SHROOM3: variants seen among roughly 807,000 people sequenced by gnomAD.
SHROOM3 encodes shroom family member 3, also known as protein Shroom3.
SHROOM3 carries 47 observed loss-of-function variants against 138.6 expected under a neutral mutation model. The observed-to-expected ratio is 0.34, with a 90% CI of 0.27 to 0.43. SHROOM3 has a LOEUF of 0.43. Among genes scored for constraint, SHROOM3 ranks in the 20% least tolerant of loss-of-function variants. SHROOM3 has a pLI of 1.00. For synonymous variants in SHROOM3, 1,062 were observed against 1,063.3 expected, an observed-to-expected ratio of 1.00 and a Z score of 0.02; for missense variants, 2,491 against 2,596.5, an observed-to-expected ratio of 0.96 and a Z score of 0.88.
intron 2 of SHROOM3, among the ~76,000 whole-genome samples, chr4:76,624,709 C>T (rs1735090154): frequency 6.6e-6 from 1 of 152,174 alleles, no homozygotes; most frequent in African/African-American, 2.4e-5. Flanking sequence ...TGAAATGAAT[C>T]AATGTGTTAA....
intron 1 of SHROOM3, among the ~76,000 whole-genome samples, chr4:76,513,869 A>G (rs1031265366): frequency 1.3e-5 from 2 of 152,178 alleles, no homozygotes; most frequent in African/African-American, 4.8e-5. Context: ...TTAAAAAATG[A>G]CATACGTTTT....
rs576539950 is a variant in SHROOM3, at chr4:76,730,718, C to T, written c.456-86C>T. 334 of 1,583,452 alleles carry T rather than the reference C, an allele frequency of 2.1e-4. 3 individuals are homozygous for T. In the South Asian group the frequency reaches 3.5e-3, roughly 17 times the overall value. ...CAATCTCTGAGGACACAGCAGTCTTCGCTTCCAAATCCACAAGTCACATCA... is the reference window on the plus strand; with the variant it reads ...CAATCTCTGAGGACACAGCAGTCTTTGCTTCCAAATCCACAAGTCACATCA... On this transcript the variant is annotated intron_variant, in intron 3 of 10. Coordinates refer to ENST00000296043, the MANE Select transcript of SHROOM3 (RefSeq NM_020859.4).
At chr4:76,688,974 T>G in intron 2 of SHROOM3, 1 of 973,474 alleles carries the variant, frequency 1.0e-6, no homozygotes, top group African/African-American at 1.8e-5. Flanking sequence ...TTTTTTTTTT[T>G]TTTTAGCTGT....
chr4:76,747,751 C>A (rs894901644), intron 5 of SHROOM3, among the ~76,000 whole-genome samples: 4 of 152,040 alleles, frequency 2.6e-5, no homozygotes, highest in African/African-American at 9.7e-5. Flanking sequence ...ATTCTCATTC[C>A]CTACAGTGAT....
At chr4:76,680,843 C>T (rs1241332831) in intron 2 of SHROOM3, among the ~76,000 whole-genome samples, 1 of 152,214 alleles carries the variant, frequency 6.6e-6, no homozygotes, top group Admixed American at 6.5e-5. Flanking sequence ...ACCATTAATT[C>T]CATGATGCAA....
chr4:76,689,823 C>T (rs903170473), intron 2 of SHROOM3: 1 of 900,228 alleles, frequency 1.1e-6, no homozygotes, highest in African/African-American at 1.8e-5. Context: ...GGATGGCTCC[C>T]AGGGGCTTTC....
rs1158074128 is a variant in SHROOM3 at position 76,739,204 on chromosome 4, A to T, written c.1031A>T (p.Tyr344Phe). 1.9e-6 allele frequency: 3 copies of T among 1,614,050 alleles called. No individual in the cohort carries two copies. The Admixed American group carries it at 5.0e-5, about 27-fold the overall frequency. The change falls in exon 5 of 11, where the codon TAT (tyrosine) becomes TTT (phenylalanine). Residue 344 changes from tyrosine (Y) to phenylalanine (F), a missense_variant. Transcript: ENST00000296043. ...CGAGCCTCAGCAAATGGTCAGGGCT[A>T]TGATAAATGGTCTAATATTCCTCGG... Reference protein sequence around the residue: ...EARASANGQGYDKWSNIPRGK... With the variant: ...EARASANGQGFDKWSNIPRGK...
intron 2 of SHROOM3, chr4:76,688,636 G>A: frequency 1.0e-6 from 1 of 985,410 alleles, no homozygotes; most frequent in Non-Finnish European, 1.2e-6. Flanking sequence ...AACCTTTGAA[G>A]AAAGATGAAA....
At chr4:76,438,810 A>G (rs1238261554) in intron 1 of SHROOM3, among the ~76,000 whole-genome samples, 2 of 151,864 alleles carry the variant, frequency 1.3e-5, no homozygotes, top group African/African-American at 2.4e-5. Flanking sequence ...TTTGTTGAGT[A>G]TATGAAAGGG....
At chr4:76,547,243 G>C (rs1009427219) in intron 1 of SHROOM3, among the ~76,000 whole-genome samples, 1 of 152,182 alleles carries the variant, frequency 6.6e-6, no homozygotes, top group African/African-American at 2.4e-5. Context: ...GCGATTCTCA[G>C]GCAGCAGGCT....
intron 2 of SHROOM3, among the ~76,000 whole-genome samples, chr4:76,585,151 A>C (rs1251907007): frequency 6.6e-6 from 1 of 152,192 alleles, no homozygotes; most frequent in Non-Finnish European, 1.5e-5. Context: ...TGGAATGATT[A>C]CTACTGCTGG....
intron 4 of SHROOM3, among the ~76,000 whole-genome samples, chr4:76,738,060 T>C (rs1251337734): frequency 1.3e-5 from 2 of 152,240 alleles, no homozygotes; most frequent in South Asian, 2.1e-4. Flanking sequence ...TCCACAGGTG[T>C]TGGAATCCCA....
chr4:76,552,216 G>A (rs113984484), intron 1 of SHROOM3, among the ~76,000 whole-genome samples: 6,584 of 149,952 alleles, frequency 0.044, 473 homozygotes, highest in African/African-American at 0.15. Flanking sequence ...TATTAAAATA[G>A]TATATATTGG....
rs57499139 is a variant in SHROOM3, at chr4:76,575,478, C to T, written c.323+19715C>T. 6.0e-3 allele frequency: 918 copies of T among 152,246 alleles called. 14 individuals carry two copies. The highest frequency in any genetic ancestry group is 0.021 in the African/African-American group (867 of 41,568). 9.4% of individuals were successfully genotyped at this position (152,246 alleles called of 1,614,324 possible). On this transcript the variant is annotated intron_variant, in intron 2 of 10. Coordinates refer to ENST00000296043, the MANE Select transcript of SHROOM3 (RefSeq NM_020859.4). The stretch of plus-strand genomic sequence containing the variant: ...CTAAAGACTCCACCAAAAAAACTAG[C>T]AGAATTGATAAACAAATTCAGTCAA...
chr4:76,754,715 G>C lies in SHROOM3; in HGVS notation c.4232G>C (p.Gly1411Ala). The C allele has an allele frequency of 3.1e-6, 5 of 1,614,196 alleles. No homozygotes were observed. The highest frequency in any genetic ancestry group is 4.2e-6 in the Non-Finnish European group (5 of 1,180,038). ...TGTGAGGGCGATGGCCCAGAGCATG[G>C]GGTAGAAGAGGGAACGAGGAAGAGG... ...RGCEGDGPEH[G>A]VEEGTRKRVS... The change falls in exon 7 of 11, where the codon GGG becomes GCG. Residue 1411 changes from glycine (G) to alanine (A), a missense_variant. Coordinates refer to ENST00000296043, the MANE Select transcript of SHROOM3 (RefSeq NM_020859.4).
intron 1 of SHROOM3, among the ~76,000 whole-genome samples, chr4:76,489,530 T>A (rs1731806343): frequency 6.6e-6 from 1 of 152,196 alleles, no homozygotes; most frequent in Non-Finnish European, 1.5e-5. Flanking sequence ...GTTGCGCAGA[T>A]GTCAGAGGAA....
At chr4:76,752,964 G>T (rs539797451) in intron 6 of SHROOM3, among the ~76,000 whole-genome samples, 2 of 152,220 alleles carry the variant, frequency 1.3e-5, no homozygotes, top group Admixed American at 1.3e-4. Flanking sequence ...TTTAAAAACA[G>T]TTTGTATGCT....
rs893161119 is a variant in SHROOM3 at position 76,664,850 on chromosome 4, G to C, written c.324-45306G>C. ...TTCCACAGCCTCTGGTTGCGCCTTGGTTTTAAAGGCTTCCAGGTGGTCGAG... is the reference window on the plus strand; with the variant it reads ...TTCCACAGCCTCTGGTTGCGCCTTGCTTTTAAAGGCTTCCAGGTGGTCGAG... On this transcript the variant is annotated intron_variant, in intron 2 of 10. Transcript: ENST00000296043. This position sits in a 1 kb window ranked among gnomAD's most constrained non-coding sequence, Gnocchi z 4.2. Among the ~76,000 whole-genome samples the C allele has an allele frequency of 6.6e-6, 1 of 152,088 alleles. No homozygotes were observed. Among genetic ancestry groups the C allele is most frequent in the Non-Finnish European group, 1.5e-5 (1 of 68,034 alleles).
intron 2 of SHROOM3, among the ~76,000 whole-genome samples, chr4:76,628,566 C>A (rs1188820053): frequency 4.6e-5 from 7 of 152,136 alleles, no homozygotes; most frequent in Non-Finnish European, 4.4e-5. Flanking sequence ...CTTCACTCAA[C>A]AAATACTTAT....
Sources: gnomAD v4.1 joint callset for allele counts (sites outside exome capture counted in the v4.1 genomes callset) on GRCh38, gnomAD v4.1.1 for gene constraint, Gnocchi (gnomAD v3.1) non-coding constraint, MANE v1.5 for transcripts, NCBI Gene and HGNC (gene_info 2026-07-23, HGNC 2026-07-21) for gene names.